Variants in KHDC4 observed in about 807,000 individuals in gnomAD.
KHDC4 encodes the protein KH domain containing 4, pre-mRNA splicing factor.
Under a neutral mutation model 74.5 loss-of-function variants are expected in KHDC4, and 19 were observed. That is an observed-to-expected ratio of 0.26 (90% CI 0.18 to 0.37). The LOEUF is 0.37. Ranked by LOEUF, KHDC4 falls within the 10% of genes least tolerant of loss-of-function variation. KHDC4 has a pLI of 1.00. For synonymous variants in KHDC4, 253 were observed against 266.1 expected (o/e 0.95, Z 0.48); for missense variants, 632 against 754.1 (o/e 0.84, Z 1.90).
At chr1:155,928,012 T>C (rs142947998) in intron 4 of KHDC4, among the ~76,000 whole-genome samples, 1 of 152,142 alleles carries the variant, frequency 6.6e-6, no homozygotes, top group African/African-American at 2.4e-5. Context: ...TAATAAAAAG[T>C]AGCAGGTAAA....
At chr1:155,930,243 A>C (rs1230554549) in intron 2 of KHDC4, among the ~76,000 whole-genome samples, 1 of 152,190 alleles carries the variant, frequency 6.6e-6, no homozygotes, top group African/African-American at 2.4e-5. Flanking sequence ...TCCAATGTAC[A>C]ACTATCCTTT....
Position 155,913,887 on chromosome 1 carries a change from G to C in KHDC4, c.*234C>G. 3.8e-6 allele frequency: 2 copies of C among 528,886 alleles called. No homozygotes were observed. Among genetic ancestry groups the C allele is most frequent in the Admixed American group, 3.3e-5 (1 of 30,298 alleles). 32.8% of individuals were successfully genotyped at this position (528,886 alleles called of 1,614,324 possible). On this transcript the variant is annotated 3_prime_UTR_variant, in exon 14 of 14. Coordinates refer to ENST00000368321, the MANE Select transcript of KHDC4 (RefSeq NM_014949.4). Reference sequence around the variant, plus strand: ...AGCACATTTCACCAACTGTTAAAAAGCTTCTGAGATAAATTTGTGATTCTA... The same window carrying C: ...AGCACATTTCACCAACTGTTAAAAACCTTCTGAGATAAATTTGTGATTCTA...
chr1:155,914,017 G>T lies in KHDC4; in HGVS notation c.*104C>A. The T allele has an allele frequency of 1.0e-6, 1 of 977,650 alleles. No homozygotes were observed. The highest frequency in any genetic ancestry group is 1.6e-6 in the Non-Finnish European group (1 of 624,876). 60.6% of individuals were successfully genotyped at this position (977,650 alleles called of 1,614,324 possible). A position where few individuals can be genotyped will look rare whatever the true frequency, so the allele number is the denominator to read the frequency against. The stretch of plus-strand genomic sequence containing the variant: ...GCACTGAATCTCTAACTTCTGCAAA[G>T]GTCCAGATGGTTCCCAGCACAGGCC... On this transcript the variant is annotated 3_prime_UTR_variant, in exon 14 of 14. Coordinates refer to ENST00000368321, the MANE Select transcript of KHDC4 (RefSeq NM_014949.4).
chr1:155,927,855 C>T (rs1487571809), intron 4 of KHDC4, among the ~76,000 whole-genome samples: 10 of 46,580 alleles, frequency 2.1e-4, no homozygotes, highest in Middle Eastern at 0.032. Flanking sequence ...CACACACACA[C>T]ACACACACAC....
chr1:155,920,013 A>G (rs753111972), intron 10 of KHDC4: 1 of 517,276 alleles, frequency 1.9e-6, no homozygotes, highest in South Asian at 1.4e-5. Flanking sequence ...AGAGGCCCAC[A>G]GAGAAGGACC....
At chr1:155,933,291 C>CTTT (rs34151525) in intron 2 of KHDC4, among the ~76,000 whole-genome samples, 2 of 143,882 alleles carry the variant, frequency 1.4e-5, no homozygotes, top group Non-Finnish European at 3.1e-5. Context: ...TTACAAACAA[C>CTTT]TTTTTTTTTT....
intron 2 of KHDC4, 131 bp from the exon 3 acceptor site, chr1:155,929,971 GGCGTGATCT>G (rs1318116877): frequency 2.2e-6 from 1 of 450,234 alleles, no homozygotes; most frequent in Non-Finnish European, 3.3e-6. Context: ...GGAGTGCAGT[GGCGTGATCT>G]CAGCTCACTG....
At chr1:155,930,935 C>T (rs1023176009) in intron 2 of KHDC4, among the ~76,000 whole-genome samples, 7 of 152,132 alleles carry the variant, frequency 4.6e-5, no homozygotes, top group African/African-American at 1.7e-4. Flanking sequence ...TGCTTGAAGC[C>T]GGGAGGCAGA....
intron 13 of KHDC4, 44 bp from the exon 14 acceptor site, chr1:155,914,364 GA>G (rs376524287): frequency 0.05 from 48,434 of 970,176 alleles, 14 homozygotes; most frequent in South Asian, 0.08. Context: ...CCCGCCAAGG[GA>G]AAAAAAAAAA....
At chr1:155,923,010 C>G (rs1673899690) in intron 8 of KHDC4, among the ~76,000 whole-genome samples, 1 of 152,010 alleles carries the variant, frequency 6.6e-6, no homozygotes, top group African/African-American at 2.4e-5. Context: ...TCGAGACCAT[C>G]CCGGCTAAAA....
At position 155,921,114 on chromosome 1, in the gene KHDC4, CTT is replaced by C. The variant is rs559410439; in HGVS notation, c.1266+259_1266+260del. ...AGCCTAAAATATTTGCCATCTGACC[CTT>C]TATAGCAAGTGTGCCCACCATCCCC... On this transcript the variant is annotated intron_variant, in intron 10 of 13. Coordinates refer to ENST00000368321, the MANE Select transcript of KHDC4 (RefSeq NM_014949.4). 5.9e-5 allele frequency: 28 copies of C among 475,134 alleles called. 1 individual carries two copies. In the South Asian group the frequency reaches 6.5e-4, roughly 11 times the overall value. 29.4% of individuals were successfully genotyped at this position (475,134 alleles called of 1,614,324 possible). A position where few individuals can be genotyped will look rare whatever the true frequency, so the allele number is the denominator to read the frequency against.
At chr1:155,917,784 T>A in intron 10 of KHDC4, 112 bp from the exon 11 acceptor site, 1 of 902,596 alleles carries the variant, frequency 1.1e-6, no homozygotes, top group Non-Finnish European at 1.6e-6. Flanking sequence ...GAATTTTGCA[T>A]CTTCAGGTCC....
chr1:155,934,362 C>T lies in KHDC4; in HGVS notation c.12G>A (p.Gly4=). Residue 4 remains glycine (G), a synonymous_variant, in exon 1 of 14, where the codon GGG becomes GGA. Coordinates refer to ENST00000368321, the MANE Select transcript of KHDC4 (RefSeq NM_014949.4). MSA[G]SATHPGAGGR... is the part of the protein sequence containing the mutation. ...CGCCAGCTCCAGGATGTGTCGCGCT[C>T]CCCGCGGACATGGCGACCGCTTCTA... 6.2e-7 allele frequency: 1 copy of T among 1,611,530 alleles called. No individual in the cohort carries two copies. The highest frequency in any genetic ancestry group is 8.5e-7 in the Non-Finnish European group (1 of 1,179,926).
At chr1:155,923,355 A>G (rs1428147594) in intron 8 of KHDC4, among the ~76,000 whole-genome samples, 3 of 152,218 alleles carry the variant, frequency 2.0e-5, no homozygotes, top group Non-Finnish European at 4.4e-5. Flanking sequence ...AAGCCAAAGA[A>G]AACCAACACA....
At position 155,913,838 on chromosome 1, in the gene KHDC4, C is replaced by G. The variant is rs1441758249; in HGVS notation, c.*283G>C. 2.4e-6 allele frequency: 1 copy of G among 409,026 alleles called. No individual in the cohort carries two copies. Among genetic ancestry groups the G allele is most frequent in the Non-Finnish European group, 4.5e-6 (1 of 223,546 alleles). 25.3% of individuals were successfully genotyped at this position (409,026 alleles called of 1,614,324 possible). A position where few individuals can be genotyped will look rare whatever the true frequency, so the allele number is the denominator to read the frequency against. ...CAGGTCAAATGTGTATGGGAACGAC[C>G]CTGTTAGGATGCTTTGTTGGACAAG... On this transcript the variant is annotated 3_prime_UTR_variant, in exon 14 of 14. Transcript: ENST00000368321.
chr1:155,930,594 C>A (rs917759754), intron 2 of KHDC4, among the ~76,000 whole-genome samples: 3 of 152,176 alleles, frequency 2.0e-5, no homozygotes, highest in African/African-American at 7.2e-5. Flanking sequence ...GCCTACAATA[C>A]ATATACCTCA....
chr1:155,924,881 T>C (rs925684093), intron 7 of KHDC4, among the ~76,000 whole-genome samples: 2 of 150,068 alleles, frequency 1.3e-5, no homozygotes, highest in Non-Finnish European at 3.0e-5. Context: ...GTTTTTTTTT[T>C]AAGACAGGGT....
At position 155,925,935 on chromosome 1, in the gene KHDC4, C is replaced by G; in HGVS notation, c.682-92G>C. The G allele has an allele frequency of 7.2e-6, 8 of 1,107,546 alleles. No homozygotes were observed. In the South Asian group the frequency reaches 9.9e-5, roughly 14 times the overall value. 68.6% of individuals were successfully genotyped at this position (1,107,546 alleles called of 1,614,324 possible). ...AGTCAATAAGAAATTATAGCAAAGA[C>G]AGTCTCCTGTAAAACTGGGGTAGAG... On this transcript the variant is annotated intron_variant, in intron 6 of 13. Coordinates refer to ENST00000368321, the MANE Select transcript of KHDC4 (RefSeq NM_014949.4).
Position 155,934,295 on chromosome 1 carries a change from C to T in KHDC4, c.38+41G>A, listed in dbSNP as rs555252757. On this transcript the variant is annotated intron_variant, in intron 1 of 13. Transcript: ENST00000368321. ...TCAGGGTCCCTCCGCCTCTCCTGCG[C>T]CCCAGTGCTCGCTCCGATGCCCTCG... The T allele has an allele frequency of 4.4e-6, 7 of 1,600,886 alleles. No individual in the cohort carries two copies. In the East Asian group the frequency reaches 1.6e-4, roughly 36 times the overall value.
Sources: gnomAD v4.1 joint callset for allele counts (sites outside exome capture counted in the v4.1 genomes callset) on GRCh38, gnomAD v4.1.1 for gene constraint, MANE v1.5 for transcripts, NCBI Gene and HGNC (gene_info 2026-07-23, HGNC 2026-07-21) for gene names.